Variants in NT5E observed in about 807,000 individuals in gnomAD.
The protein encoded by NT5E is 5'-nucleotidase.
A neutral mutation model predicts 55.1 loss-of-function variants in NT5E; 53 were observed. The ratio of observed to expected loss-of-function variants is 0.96; its 90% CI spans 0.77 to 1.21. The LOEUF (loss-of-function observed/expected upper bound fraction) is 1.21, where lower values mean the gene tolerates loss of function less well. Ranked by LOEUF, NT5E falls within the 50% of genes most tolerant of loss-of-function variation. The pLI is 0.00. For synonymous variants in NT5E, 270 were observed against 278.4 expected (o/e 0.97, Z 0.30); for missense variants, 683 against 724.3 (o/e 0.94, Z 0.65).
At chr6:85,461,276 G>C (rs1582370800) in intron 1 of NT5E, among the ~76,000 whole-genome samples, 1 of 152,274 alleles carries the variant, frequency 6.6e-6, no homozygotes, top group East Asian at 1.9e-4. Flanking sequence ...TTCTGTCCAA[G>C]TCTCATCACT....
At chr6:85,489,438 T>C in intron 5 of NT5E, 56 bp from the exon 6 acceptor site, 5 of 1,254,346 alleles carry the variant, frequency 4.0e-6, no homozygotes, top group Non-Finnish European at 5.8e-6. Context: ...TTCCTGGAGC[T>C]GATCCTAAGG....
At chr6:85,474,486 T>C (rs1035135599) in intron 3 of NT5E, among the ~76,000 whole-genome samples, 3 of 152,226 alleles carry the variant, frequency 2.0e-5, no homozygotes, top group Non-Finnish European at 4.4e-5. Flanking sequence ...TATCTGTAAA[T>C]CCTGAAGTAA....
In NT5E at chr6:85,466,958, C is replaced by T. The variant is rs528014851; in HGVS notation, c.340-102C>T. 214 of 1,118,360 alleles carry T rather than the reference C, an allele frequency of 1.9e-4. 2 individuals carry two copies. The East Asian group carries it at 5.0e-3, about 26-fold the overall frequency. 69.3% of individuals were successfully genotyped at this position (1,118,360 alleles called of 1,614,324 possible). On this transcript the variant is annotated intron_variant, in intron 1 of 8. Coordinates refer to ENST00000257770, the MANE Select transcript of NT5E (RefSeq NM_002526.4). Reference sequence around the variant, plus strand: ...GACCCAGGTGAGGAGGACACAAAATCATGCAATATGTCTCATAGAGCTTAG... The same window carrying T: ...GACCCAGGTGAGGAGGACACAAAATTATGCAATATGTCTCATAGAGCTTAG...
chr6:85,490,296 C>T lies in NT5E; in HGVS notation c.1211-212C>T, dbSNP rs192103224. On this transcript the variant is annotated intron_variant, in intron 6 of 8. Coordinates refer to ENST00000257770, the MANE Select transcript of NT5E (RefSeq NM_002526.4). ...TGAGGCACAGCCATTTGTGAGCTCC[C>T]GCCATCTTGCCCAGTGGTGGAGTGC... Among the ~76,000 whole-genome samples, 56 of 152,312 alleles carry T rather than the reference C, an allele frequency of 3.7e-4. 1 individual carries two copies. The East Asian group carries it at 9.8e-3, about 27-fold the overall frequency.
intron 1 of NT5E, among the ~76,000 whole-genome samples, chr6:85,453,771 T>TGG (rs1768936986): frequency 6.6e-6 from 1 of 152,006 alleles, no homozygotes; most frequent in Non-Finnish European, 1.5e-5. Flanking sequence ...GCAGCCAGGG[T>TGG]GGGAACCATG....
At chr6:85,481,698 A>G (rs955705523) in intron 3 of NT5E, among the ~76,000 whole-genome samples, 1 of 152,240 alleles carries the variant, frequency 6.6e-6, no homozygotes, top group African/African-American at 2.4e-5. Context: ...AGAATGCTGA[A>G]GGGCAGACTG....
In NT5E at chr6:85,486,495, C is replaced by A. The variant is rs546604681; in HGVS notation, c.950-840C>A. On this transcript the variant is annotated intron_variant, in intron 4 of 8. Coordinates refer to ENST00000257770, the MANE Select transcript of NT5E (RefSeq NM_002526.4). Reference sequence around the variant, plus strand: ...ATCTTATCCATATGGACAGGCCCCCCCCATGCGTCCGTTTATAGGCTCCCC... The same window carrying A: ...ATCTTATCCATATGGACAGGCCCCCACCATGCGTCCGTTTATAGGCTCCCC... Among the ~76,000 whole-genome samples, 43 of 152,162 alleles carry A rather than the reference C, an allele frequency of 2.8e-4. No homozygotes were observed. In the East Asian group the frequency reaches 4.9e-3, roughly 17 times the overall value.
chr6:85,450,169 G>T lies in NT5E; in HGVS notation c.30G>T (p.Ala10=). MCPRAARAP[A]TLLLALGAVL... ...GTCCCCGAGCCGCGCGGGCGCCCGCGACGCTACTCCTCGCCCTGGGCGCGG... is the reference window on the plus strand; with the variant it reads ...GTCCCCGAGCCGCGCGGGCGCCCGCTACGCTACTCCTCGCCCTGGGCGCGG... Residue 10 remains alanine (A), a synonymous_variant, in exon 1 of 9, where the codon GCG becomes GCT. Coordinates refer to ENST00000257770, the MANE Select transcript of NT5E (RefSeq NM_002526.4). The surrounding 1 kb of genome is among the most constrained non-coding windows in gnomAD (Gnocchi z 4.0). 1 of 1,599,136 alleles carries T rather than the reference G, an allele frequency of 6.3e-7. No individual in the cohort carries two copies.
In NT5E at chr6:85,494,051, G is replaced by A. The variant is rs193222810; in HGVS notation, c.*47G>A. ...AATGTGTGAAACTGCATTTTTTCAA[G>A]TGAGATTCAAATCTGCCTTTTAGGA... On this transcript the variant is annotated 3_prime_UTR_variant, in exon 9 of 9. Transcript: ENST00000257770. The A allele has an allele frequency of 1.5e-4, 232 of 1,595,454 alleles. 1 individual carries two copies. The Admixed American group carries it at 1.7e-3, about 12-fold the overall frequency.
intron 3 of NT5E, among the ~76,000 whole-genome samples, chr6:85,475,365 C>A (rs764357956): frequency 5.3e-5 from 8 of 152,190 alleles, no homozygotes; most frequent in Non-Finnish European, 1.0e-4. Flanking sequence ...TAAAACAGTG[C>A]ATGAATGGAT....
chr6:85,485,914 T>C (rs1036808981), intron 4 of NT5E, among the ~76,000 whole-genome samples: 6 of 152,186 alleles, frequency 3.9e-5, no homozygotes, highest in African/African-American at 1.4e-4. Context: ...CAGCCCGCAA[T>C]GCAATGGGGC....
At chr6:85,491,891 C>A in intron 7 of NT5E, 86 bp from the exon 8 acceptor site, 1 of 1,168,106 alleles carries the variant, frequency 8.6e-7, no homozygotes, top group Non-Finnish European at 1.3e-6. Context: ...CAGCCCCATG[C>A]CCCAATTGTA....
In NT5E at chr6:85,485,224, T is replaced by C. The variant is rs781103526; in HGVS notation, c.752-11T>C. 1 of 1,614,002 alleles carries C rather than the reference T, an allele frequency of 6.2e-7. No homozygotes were observed. Among genetic ancestry groups the C allele is most frequent in the Admixed American group, 1.7e-5 (1 of 60,020 alleles). On this transcript the variant is annotated splice_polypyrimidine_tract_variant and intron_variant, in intron 3 of 8. Coordinates refer to ENST00000257770, the MANE Select transcript of NT5E (RefSeq NM_002526.4). ...GGGCTGACTTGATCAGCTGTGGCTC[T>C]TTTATTTCAGGCAATCCACCTTCCA...
rs535881859 is a variant in NT5E, at chr6:85,490,998, CTCT to C, written c.1360+342_1360+344del. 4.5e-4 allele frequency: 226 copies of C among 507,708 alleles called. 1 individual carries two copies. Among genetic ancestry groups the C allele is most frequent in the African/African-American group, 3.9e-3 (201 of 51,302 alleles). 31.5% of individuals were successfully genotyped at this position (507,708 alleles called of 1,614,324 possible). A position where few individuals can be genotyped will look rare whatever the true frequency, so the allele number is the denominator to read the frequency against. The stretch of plus-strand genomic sequence containing the variant: ...AATTATTTTTTTTTTAAATCCTCTC[CTCT>C]GTTCTACTCATCGTTGCCTGGAACC... On this transcript the variant is annotated intron_variant, in intron 7 of 8. Transcript: ENST00000257770.
intron 7 of NT5E, 44 bp from the exon 8 acceptor site, chr6:85,491,933 A>G (rs1438913332): frequency 6.3e-7 from 1 of 1,581,952 alleles, no homozygotes; most frequent in Non-Finnish European, 8.7e-7. Flanking sequence ...GGAAACAGAA[A>G]TCTCCCTTTG....
At position 85,467,223 on chromosome 6, in the gene NT5E, A is replaced by T. The variant is rs762103389; in HGVS notation, c.503A>T (p.Asp168Val). ...YLPYKVLPVGDEVVGIVGYTS... is the reference protein window; with the variant it reads ...YLPYKVLPVGVEVVGIVGYTS... ...CCATATAAAGTTCTTCCTGTTGGTG[A>T]TGAAGTTGTGGGAATCGTTGGATAC... The change falls in exon 2 of 9, where the codon GAT becomes GTT. Residue 168 changes from aspartate (D) to valine (V), a missense_variant. Coordinates refer to ENST00000257770, the MANE Select transcript of NT5E (RefSeq NM_002526.4). The T allele has an allele frequency of 4.1e-5, 66 of 1,614,062 alleles. No individual in the cohort carries two copies. Among genetic ancestry groups the T allele is most frequent in the Admixed American group, 1.0e-4 (6 of 60,004 alleles).
chr6:85,458,961 C>A (rs1769041371), intron 1 of NT5E, among the ~76,000 whole-genome samples: 1 of 152,220 alleles, frequency 6.6e-6, no homozygotes, highest in African/African-American at 2.4e-5. Context: ...CTGTGGCCAA[C>A]ATTCCTTGGC....
intron 3 of NT5E, among the ~76,000 whole-genome samples, chr6:85,476,148 G>T (rs1182974585): frequency 6.6e-6 from 1 of 152,148 alleles, no homozygotes; most frequent in Non-Finnish European, 1.5e-5. Context: ...GTCCATGTGG[G>T]TAGTTGATCC....
rs1769855995 is a variant in NT5E at position 85,494,729 on chromosome 6, A to G, written c.*725A>G. The G allele has an allele frequency of 6.6e-6, 1 of 152,244 alleles. No individual in the cohort carries two copies. Among genetic ancestry groups the G allele is most frequent in the African/African-American group, 2.4e-5 (1 of 41,446 alleles). 9.4% of individuals were successfully genotyped at this position (152,244 alleles called of 1,614,324 possible). ...GATACCATCCTCTCTTGCAACACCCATGTGCCTTTGATGAGTCAGGTAGCA... is the reference window on the plus strand; with the variant it reads ...GATACCATCCTCTCTTGCAACACCCGTGTGCCTTTGATGAGTCAGGTAGCA... On this transcript the variant is annotated 3_prime_UTR_variant, in exon 9 of 9. Coordinates refer to ENST00000257770, the MANE Select transcript of NT5E (RefSeq NM_002526.4).
Sources: allele counts gnomAD v4.1 joint callset (sites outside exome capture counted in the v4.1 genomes callset), GRCh38; gene constraint gnomAD v4.1.1; non-coding constraint Gnocchi (gnomAD v3.1); transcripts MANE v1.5; gene names NCBI Gene and HGNC (gene_info 2026-07-23, HGNC 2026-07-21).